Variants in LRRC7 observed in about 807,000 individuals in gnomAD.
LRRC7 encodes leucine-rich repeat-containing protein 7.
A neutral mutation model predicts 175.7 loss-of-function variants in LRRC7; 23 were observed. The ratio of observed to expected loss-of-function variants is 0.13; its 90% CI spans 0.09 to 0.19. The LOEUF is 0.19. Ranked by LOEUF, LRRC7 falls within the 10% of genes least tolerant of loss-of-function variation. The probability of loss-of-function intolerance (pLI) is 1.00; values close to 1 mark genes in which losing one functional copy is unlikely to be tolerated. For missense variants in LRRC7, 1,354 were observed against 1,904.7 expected (o/e 0.71, Z 5.38); for synonymous variants, 685 against 680.9 (o/e 1.01, Z -0.09).
chr1:69,718,603 C>G (rs1384968386), intron 2 of LRRC7, among the ~76,000 whole-genome samples: 1 of 151,684 alleles, frequency 6.6e-6, no homozygotes, highest in Non-Finnish European at 1.5e-5. Flanking sequence ...AGAATTTTAT[C>G]AGGCAAAAAA....
At chr1:70,092,817 A>G (rs1472574171) in intron 25 of LRRC7, among the ~76,000 whole-genome samples, 1 of 152,150 alleles carries the variant, frequency 6.6e-6, no homozygotes, top group Non-Finnish European at 1.5e-5. Flanking sequence ...TGGAGGAATC[A>G]GGATTAAGCC....
At chr1:69,825,568 A>T (rs1019995343) in intron 4 of LRRC7, among the ~76,000 whole-genome samples, 180 bp from the exon 5 acceptor site, 6 of 151,912 alleles carry the variant, frequency 3.9e-5, no homozygotes, top group African/African-American at 1.2e-4. Flanking sequence ...AAAATTATGT[A>T]TATATGATTA....
chr1:70,020,972 A>G (rs868316515), intron 15 of LRRC7, 33 bp from the exon 16 acceptor site: 1 of 1,567,304 alleles, frequency 6.4e-7, no homozygotes, highest in African/African-American at 1.4e-5. Context: ...TTGTTTTTTA[A>G]AAAAACAATA....
chr1:69,715,099 CTTGT>C (rs145030091), intron 2 of LRRC7, among the ~76,000 whole-genome samples: 11,966 of 152,132 alleles, frequency 0.079, 553 homozygotes, highest in East Asian at 0.14. Flanking sequence ...GTAAAATTGG[CTTGT>C]TTAAGTAGAT....
At chr1:69,855,640 G>A (rs201324712) in intron 7 of LRRC7, among the ~76,000 whole-genome samples, 1 of 150,420 alleles carries the variant, frequency 6.6e-6, no homozygotes, top group East Asian at 1.9e-4. Context: ...TGTCTATTAG[G>A]TCTGCTTGGT....
chr1:69,999,827 G>T (rs1290396416), intron 11 of LRRC7, among the ~76,000 whole-genome samples: 1 of 152,106 alleles, frequency 6.6e-6, no homozygotes, highest in African/African-American at 2.4e-5. Context: ...CTGAAGTAGG[G>T]ATGTAACTAC....
chr1:69,776,716 G>T (rs957003344), intron 3 of LRRC7, among the ~76,000 whole-genome samples: 3 of 150,458 alleles, frequency 2.0e-5, no homozygotes, highest in Admixed American at 6.6e-5. Flanking sequence ...GGTGTGTGTG[G>T]GTGTGTGTGT....
intron 23 of LRRC7, among the ~76,000 whole-genome samples, chr1:70,074,747 AT>A (rs1183200545): frequency 6.6e-6 from 1 of 152,308 alleles, no homozygotes; most frequent in East Asian, 1.9e-4. Context: ...CCAAATAATA[AT>A]TTTTAATATT....
intron 24 of LRRC7, among the ~76,000 whole-genome samples, chr1:70,084,526 C>T (rs1412606239): frequency 6.6e-6 from 1 of 152,032 alleles, no homozygotes; most frequent in Admixed American, 6.6e-5. Flanking sequence ...ATGGATATAC[C>T]ACATTTTGCT....
Position 70,143,067 on chromosome 1 carries a change from AT to A in LRRC7, c.*21184del, listed in dbSNP as rs1186814441. The A allele has an allele frequency of 1.3e-5, 2 of 151,946 alleles. No homozygotes were observed. Among genetic ancestry groups the A allele is most frequent in the African/African-American group, 4.8e-5 (2 of 41,380 alleles). 9.4% of individuals were successfully genotyped at this position (151,946 alleles called of 1,614,324 possible). Reference sequence around the variant, plus strand: ...CCATATGCCAAACACACACACATAAATTTTCTTTTTCTCATTTCAGCTCATA... The same window carrying A: ...CCATATGCCAAACACACACACATAAATTTCTTTTTCTCATTTCAGCTCATA... On this transcript the variant is annotated 3_prime_UTR_variant, in exon 27 of 27. Transcript: ENST00000651989.
intron 23 of LRRC7, among the ~76,000 whole-genome samples, chr1:70,072,951 C>T (rs535972115): frequency 3.9e-4 from 59 of 152,076 alleles, no homozygotes; most frequent in East Asian, 2.3e-3. Context: ...TGTCAATTTG[C>T]GGGGAAAGGG....
At chr1:69,682,958 G>T (rs1457419466) in intron 2 of LRRC7, among the ~76,000 whole-genome samples, 1 of 152,090 alleles carries the variant, frequency 6.6e-6, no homozygotes, top group East Asian at 1.9e-4. Context: ...ATTACATGCA[G>T]TATTAGTTTT....
intron 1 of LRRC7, among the ~76,000 whole-genome samples, chr1:69,658,966 G>A (rs1657041837): frequency 6.6e-6 from 1 of 152,002 alleles, no homozygotes; most frequent in South Asian, 2.1e-4. Flanking sequence ...GTCTAAAGGA[G>A]CATAGAAAAG....
At chr1:69,706,651 G>A (rs1214161206) in intron 2 of LRRC7, among the ~76,000 whole-genome samples, 1 of 152,160 alleles carries the variant, frequency 6.6e-6, no homozygotes, top group Non-Finnish European at 1.5e-5. Context: ...TCAGGCAGAG[G>A]AGATAAGATT....
intron 7 of LRRC7, among the ~76,000 whole-genome samples, chr1:69,907,159 G>A (rs1174456576): frequency 1.3e-5 from 2 of 151,972 alleles, no homozygotes; most frequent in Non-Finnish European, 2.9e-5. Flanking sequence ...GGAGATTTTG[G>A]GCTGAGACAA....
At chr1:69,913,439 T>TA (rs1426138230) in intron 7 of LRRC7, among the ~76,000 whole-genome samples, 7 of 118,852 alleles carry the variant, frequency 5.9e-5, no homozygotes, top group Admixed American at 9.5e-5. Context: ...AGACACTAGG[T>TA]ATTTAATGTT....
chr1:70,039,818 A>C, intron 21 of LRRC7, 25 bp downstream of exon 21: 2 of 1,543,946 alleles, frequency 1.3e-6, no homozygotes, highest in Non-Finnish European at 8.7e-7. Flanking sequence ...TCTCTGTAAG[A>C]ATATCCCTCC....
At chr1:70,092,373 ACT>A (rs1220848140) in intron 25 of LRRC7, among the ~76,000 whole-genome samples, 4 of 152,066 alleles carry the variant, frequency 2.6e-5, no homozygotes, top group Non-Finnish European at 5.9e-5. Context: ...TATGATACAT[ACT>A]CTCTTCAAAT....
chr1:69,982,168 G>A (rs1180962583), intron 9 of LRRC7, among the ~76,000 whole-genome samples: 3 of 152,220 alleles, frequency 2.0e-5, no homozygotes, highest in African/African-American at 2.4e-5. Context: ...TGGAAAGGCA[G>A]GGATGAAATC....
Sources: gnomAD v4.1 joint callset for allele counts (sites outside exome capture counted in the v4.1 genomes callset) on GRCh38, gnomAD v4.1.1 for gene constraint, MANE v1.5 for transcripts, NCBI Gene and HGNC (gene_info 2026-07-23, HGNC 2026-07-21) for gene names.